Variants in SHLD2 observed in about 807,000 individuals in gnomAD.
SHLD2 encodes shieldin complex subunit 2, also known as RINN1-REV7-interacting novel NHEJ regulator 2.
Under a neutral mutation model 73.2 loss-of-function variants are expected in SHLD2, and 30 were observed. That is an observed-to-expected ratio of 0.41 (90% CI 0.31 to 0.56). The LOEUF (loss-of-function observed/expected upper bound fraction) is 0.56. Among genes scored for constraint, SHLD2 ranks in the 20% least tolerant of loss-of-function variants. SHLD2 has a pLI of 0.28. For missense variants in SHLD2, 745 were observed against 1,055.9 expected, an observed-to-expected ratio of 0.71 and a Z score of 4.08; for synonymous variants, 285 against 370.1, an observed-to-expected ratio of 0.77 and a Z score of 2.64.
intron 4 of SHLD2, among the ~76,000 whole-genome samples, chr10:87,161,398 T>G (rs1846804901): frequency 6.6e-6 from 1 of 152,124 alleles, no homozygotes; most frequent in Admixed American, 6.5e-5. Flanking sequence ...TGAGCTGTGA[T>G]TGCACCACTG....
chr10:87,122,961 T>G (rs921324661), intron 2 of SHLD2, among the ~76,000 whole-genome samples: 10 of 152,178 alleles, frequency 6.6e-5, no homozygotes, highest in African/African-American at 2.4e-4. Flanking sequence ...ATATTTTTAG[T>G]AAAGATGGGG....
chr10:87,105,162 G>C (rs866718682), intron 2 of SHLD2, among the ~76,000 whole-genome samples: 1 of 152,134 alleles, frequency 6.6e-6, no homozygotes, highest in Non-Finnish European at 1.5e-5. Context: ...CCTATCTTGA[G>C]CATTTTGGTT....
At chr10:87,136,263 G>A (rs1407397405) in intron 2 of SHLD2, among the ~76,000 whole-genome samples, 1 of 152,034 alleles carries the variant, frequency 6.6e-6, no homozygotes, top group Non-Finnish European at 1.5e-5. Flanking sequence ...GTATGTGTGT[G>A]TATGTGTGTT....
intron 2 of SHLD2, among the ~76,000 whole-genome samples, chr10:87,104,610 G>T (rs1412114394): frequency 6.6e-6 from 1 of 150,522 alleles, no homozygotes; most frequent in African/African-American, 2.4e-5. Flanking sequence ...AAAAGAAAAT[G>T]AAAATAAAAA....
intron 2 of SHLD2, among the ~76,000 whole-genome samples, chr10:87,145,311 A>G (rs929981934): frequency 2.0e-5 from 3 of 152,296 alleles, no homozygotes; most frequent in African/African-American, 7.2e-5. Flanking sequence ...ATTTGGTTCA[A>G]TCAGGTCAAA....
chr10:87,094,906 C>T, upstream of SHLD2: 1 of 527,382 alleles, frequency 1.9e-6, no homozygotes. The surrounding 1 kb of genome is among the most constrained non-coding windows in gnomAD (Gnocchi z 6.6). Context: ...CTGTCCCCTC[C>T]CCTCGGGCGC....
chr10:87,120,781 C>T (rs183022510), intron 2 of SHLD2, among the ~76,000 whole-genome samples: 52 of 152,012 alleles, frequency 3.4e-4, no homozygotes, highest in Non-Finnish European at 3.5e-4. Flanking sequence ...AGGCCGGGTG[C>T]GGTGGCTCAC....
chr10:87,165,774 TAAC>T (rs1432573814), intron 4 of SHLD2, among the ~76,000 whole-genome samples: 57 of 152,352 alleles, frequency 3.7e-4, no homozygotes, highest in Non-Finnish European at 4.4e-5. Context: ...ACATTTTATT[TAAC>T]AATATTTAAT....
upstream of SHLD2, chr10:87,094,944 C>A (rs2133877992): frequency 1.2e-5 from 4 of 322,296 alleles, no homozygotes; most frequent in South Asian, 1.8e-4. This position sits in a 1 kb window ranked among gnomAD's most constrained non-coding sequence, Gnocchi z 6.6. Flanking sequence ...GGACGGACTT[C>A]GGGGACAGGG....
intron 2 of SHLD2, among the ~76,000 whole-genome samples, chr10:87,118,444 T>C (rs1843389338): frequency 1.3e-5 from 2 of 151,180 alleles, no homozygotes; most frequent in South Asian, 4.2e-4. Flanking sequence ...GTTATATTTA[T>C]TTTTCTATTT....
chr10:87,107,233 T>A (rs1842657445), intron 2 of SHLD2, among the ~76,000 whole-genome samples: 2 of 151,970 alleles, frequency 1.3e-5, no homozygotes, highest in South Asian at 4.2e-4. Context: ...GCCAACATGG[T>A]GAAACTCCAT....
At chr10:87,119,141 T>G (rs558738667) in intron 2 of SHLD2, among the ~76,000 whole-genome samples, 123 of 149,964 alleles carry the variant, frequency 8.2e-4, no homozygotes, top group African/African-American at 2.8e-3. Flanking sequence ...AGTCTTATGC[T>G]GACATCAGCT....
chr10:87,154,198 C>T (rs1320831712), intron 3 of SHLD2: 1 of 151,376 alleles, frequency 6.6e-6, no homozygotes, highest in Non-Finnish European at 1.5e-5. Context: ...GACCAGTTCA[C>T]CCCTCCTTAG....
intron 2 of SHLD2, among the ~76,000 whole-genome samples, chr10:87,148,366 C>T (rs1002563740): frequency 8.6e-5 from 13 of 151,986 alleles, no homozygotes; most frequent in Admixed American, 2.0e-4. Flanking sequence ...GTCAAAAAAG[C>T]GGAATGTTTC....
At chr10:87,157,570 T>G (rs543895853) in intron 3 of SHLD2, among the ~76,000 whole-genome samples, 15 of 152,356 alleles carry the variant, frequency 9.8e-5, no homozygotes, top group African/African-American at 3.1e-4. Context: ...ATGTGGAAGA[T>G]AATTATAGTG....
At chr10:87,168,817 G>A (rs1847386565) in intron 4 of SHLD2, among the ~76,000 whole-genome samples, 1 of 151,668 alleles carries the variant, frequency 6.6e-6, no homozygotes, top group African/African-American at 2.4e-5. Flanking sequence ...GTTGGGTACT[G>A]TGCTCAGTAC....
intron 2 of SHLD2, among the ~76,000 whole-genome samples, chr10:87,150,670 G>T (rs1386913873): frequency 6.6e-6 from 1 of 151,666 alleles, no homozygotes; most frequent in African/African-American, 2.4e-5. Flanking sequence ...TGAAGCAGGA[G>T]AATTGGTTGA....
intron 2 of SHLD2, among the ~76,000 whole-genome samples, chr10:87,102,706 T>C (rs1842345938): frequency 6.6e-6 from 1 of 151,982 alleles, no homozygotes; most frequent in Non-Finnish European, 1.5e-5. Context: ...AAGATTTCAT[T>C]TCAAAAAACA....
intron 2 of SHLD2, among the ~76,000 whole-genome samples, chr10:87,130,529 T>C (rs1844352791): frequency 6.6e-6 from 1 of 152,172 alleles, no homozygotes; most frequent in East Asian, 1.9e-4. Context: ...CCTAACCATG[T>C]GGTATTTAGG....
Sources: gnomAD v4.1 joint callset for allele counts (sites outside exome capture counted in the v4.1 genomes callset) on GRCh38, gnomAD v4.1.1 for gene constraint, Gnocchi (gnomAD v3.1) non-coding constraint, MANE v1.5 for transcripts, NCBI Gene and HGNC (gene_info 2026-07-23, HGNC 2026-07-21) for gene names.